STH: variants seen among roughly 807,000 people sequenced by gnomAD.
The protein encoded by STH is microtubule-associated protein tau (MAPT) intronic transcript.
For missense variants in STH, 131 were observed against 151.5 expected (o/e 0.86, Z 0.71); for synonymous variants, 36 against 59.1 (o/e 0.61, Z 1.79).
Position 45,999,489 on chromosome 17 carries a change from G to A in STH, c.210G>A (p.Val70=). ...LSSSEVGLEG[V]GTIWPSSYSS... is the part of the protein sequence containing the mutation. ...CATCTGAGGTTGGCTTGGAAGGTGT[G>A]GGCACCATTTGGCCCAGTTCTTACA... The change falls in exon 1 of 1, where the codon GTG becomes GTA. Residue 70 remains valine, a synonymous_variant. Transcript: ENST00000537309. 1 of 1,613,898 alleles carries A rather than the reference G, an allele frequency of 6.2e-7. No homozygotes were observed. Among genetic ancestry groups the A allele is most frequent in the South Asian group, 1.1e-5 (1 of 91,076 alleles).
In STH at chr17:45,999,661, G is replaced by C; in HGVS notation, c.382G>C (p.Val128Leu). The C allele has an allele frequency of 6.3e-7, 1 of 1,599,552 alleles. No homozygotes were observed. Among genetic ancestry groups the C allele is most frequent in the Non-Finnish European group, 8.5e-7 (1 of 1,172,942 alleles). ...RGESQATSCQ[V>L] is the part of the protein sequence containing the mutation. ...TGAGAGTCAGGCGACCTCATGCCAA[G>C]TGTAGAAAGGGGCAGATGGGAGCCC... The change falls in exon 1 of 1, where the codon GTG (valine) becomes CTG (leucine). Residue 128 changes from valine to leucine, a missense_variant. Coordinates refer to ENST00000537309, the MANE Select transcript of STH (RefSeq NM_001007532.3).
Position 45,999,540 on chromosome 17 carries a change from G to A in STH, c.261G>A (p.Gly87=). Residue 87 remains glycine, a synonymous_variant, in exon 1 of 1, where the codon GGG becomes GGA. Coordinates refer to ENST00000537309, the MANE Select transcript of STH (RefSeq NM_001007532.3). ...GCTCTGAAGAGAGCAGCAGGAATGG[G>A]GCTGAGCAGGGAAGACAACTTTCCA... ...SYSSEESSRN[G]AEQGRQLSIE... The A allele has an allele frequency of 1.2e-6, 2 of 1,613,582 alleles. No homozygotes were observed. Among genetic ancestry groups the A allele is most frequent in the Non-Finnish European group, 1.7e-6 (2 of 1,179,702 alleles).
At position 45,999,253 on chromosome 17, in the gene STH, T is replaced by C. The variant is rs1376594151; in HGVS notation, c.-27T>C. 6.2e-7 allele frequency: 1 copy of C among 1,605,734 alleles called. No individual in the cohort carries two copies. Among genetic ancestry groups the C allele is most frequent in the East Asian group, 2.2e-5 (1 of 44,800 alleles). ...CTGTAAACTCTGACCACACTGAGCA[T>C]GTGTCTGCTGCTCCCTAGTCTGGGC... On this transcript the variant is annotated 5_prime_UTR_variant, in exon 1 of 1. It removes an upstream start codon present in the reference 5' UTR. Coordinates refer to ENST00000537309, the MANE Select transcript of STH (RefSeq NM_001007532.3).
At position 45,999,679 on chromosome 17, in the gene STH, G is replaced by A. The variant is rs755031412; in HGVS notation, c.*13G>A. 42 of 1,564,998 alleles carry A rather than the reference G, an allele frequency of 2.7e-5. 1 individual carries two copies. The highest frequency in any genetic ancestry group is 1.7e-4 in the Middle Eastern group (1 of 5,838). ...ATGCCAAGTGTAGAAAGGGGCAGAT[G>A]GGAGCCCCAGGTTATGACGTCACCA... On this transcript the variant is annotated 3_prime_UTR_variant, in exon 1 of 1. Transcript: ENST00000537309.
rs1168338161 is a variant in STH at position 45,999,487 on chromosome 17, G to A, written c.208G>A (p.Val70Met). 4.3e-6 allele frequency: 7 copies of A among 1,613,942 alleles called. No homozygotes were observed. Among genetic ancestry groups the A allele is most frequent in the Middle Eastern group, 3.3e-4 (2 of 6,084 alleles). ...TTCATCTGAGGTTGGCTTGGAAGGT[G>A]TGGGCACCATTTGGCCCAGTTCTTA... ...LSSSEVGLEG[V>M]GTIWPSSYSS... Residue 70 changes from valine (V) to methionine (M), a missense_variant, in exon 1 of 1, where the codon GTG becomes ATG. Val to Met is a conservative substitution (Grantham distance 21). Coordinates refer to ENST00000537309, the MANE Select transcript of STH (RefSeq NM_001007532.3).
At position 45,999,301 on chromosome 17, in the gene STH, G is replaced by A; in HGVS notation, c.22G>A (p.Val8Ile). The change falls in exon 1 of 1, where the codon GTC (valine) becomes ATC (isoleucine). Residue 8 changes from valine to isoleucine, a missense_variant. By Grantham distance (29) the Val-to-Ile change is conservative. Transcript: ENST00000537309. ...GGCCATGAGTGAGGGTGGAGGCCAAGTCTCATGCATTTTTGCAGCCCCCAC... is the reference window on the plus strand; with the variant it reads ...GGCCATGAGTGAGGGTGGAGGCCAAATCTCATGCATTTTTGCAGCCCCCAC... MSEGGGQ[V>I]SCIFAAPTRL... The A allele has an allele frequency of 6.2e-7, 1 of 1,613,622 alleles. No homozygotes were observed. Among genetic ancestry groups the A allele is most frequent in the Non-Finnish European group, 8.5e-7 (1 of 1,179,824 alleles).
chr17:45,999,597 C>T lies in STH; in HGVS notation c.318C>T (p.Pro106=), dbSNP rs768446968. 17 of 1,612,154 alleles carry T rather than the reference C, an allele frequency of 1.1e-5. No individual in the cohort carries two copies. The highest frequency in any genetic ancestry group is 2.2e-5 in the East Asian group (1 of 44,808). The part of the protein sequence containing the change: ...IEGPFQGQNC[P]SHPAAALPLP... Reference sequence around the variant, plus strand: ...GCCCCTTTCAGGGCCAGAACTGTCCCTCCCACCCTGCAGCTGCCCTGCCTC... The same window carrying T: ...GCCCCTTTCAGGGCCAGAACTGTCCTTCCCACCCTGCAGCTGCCCTGCCTC... The change falls in exon 1 of 1, where the codon CCC becomes CCT. Residue 106 remains proline, a synonymous_variant. Coordinates refer to ENST00000537309, the MANE Select transcript of STH (RefSeq NM_001007532.3).
At chr17:45,999,360 C>A in the STH span, 1 of 1,613,814 alleles carries the variant, frequency 6.2e-7, no homozygotes. Flanking sequence ...TCATTGAATG[C>A]GGGGTTAATT....
In STH at chr17:45,999,686, C is replaced by T; in HGVS notation, c.*20C>T. The stretch of plus-strand genomic sequence containing the variant: ...GTGTAGAAAGGGGCAGATGGGAGCC[C>T]CAGGTTATGACGTCACCATGCTGGG... On this transcript the variant is annotated 3_prime_UTR_variant, in exon 1 of 1. Transcript: ENST00000537309. 2 of 1,560,592 alleles carry T rather than the reference C, an allele frequency of 1.3e-6. No homozygotes were observed. Among genetic ancestry groups the T allele is most frequent in the East Asian group, 2.3e-5 (1 of 44,370 alleles).
In STH at chr17:45,999,659, A is replaced by G; in HGVS notation, c.380A>G (p.Gln127Arg). Reference sequence around the variant, plus strand: ...GGTGAGAGTCAGGCGACCTCATGCCAAGTGTAGAAAGGGGCAGATGGGAGC... The same window carrying G: ...GGTGAGAGTCAGGCGACCTCATGCCGAGTGTAGAAAGGGGCAGATGGGAGC... ...MRGESQATSCQV is the reference protein window; with the variant it reads ...MRGESQATSCRV Residue 127 changes from glutamine (Q) to arginine (R), a missense_variant, in exon 1 of 1, where the codon CAA becomes CGA. Physicochemically the swap from Gln to Arg is conservative, Grantham distance 43. Transcript: ENST00000537309. The G allele has an allele frequency of 6.2e-7, 1 of 1,600,732 alleles. No individual in the cohort carries two copies. Among genetic ancestry groups the G allele is most frequent in the South Asian group, 1.1e-5 (1 of 88,804 alleles).
In STH at chr17:45,999,447, C is replaced by G. The variant is rs758951585; in HGVS notation, c.168C>G (p.Ser56=). ...TCAGCTTAGCATGGGAAGTAGCTTC[C>G]CTGTTGACCCTGAGTTCATCTGAGG... ...RTLSLAWEVA[S]LLTLSSSEVG... is the part of the protein sequence containing the mutation. The change falls in exon 1 of 1, where the codon TCC becomes TCG. Residue 56 remains serine (S), a synonymous_variant. Transcript: ENST00000537309. 16 of 1,613,932 alleles carry G rather than the reference C, an allele frequency of 9.9e-6. No individual in the cohort carries two copies. The Admixed American group carries it at 1.3e-4, about 13-fold the overall frequency.
rs368385027 is a variant in STH, at chr17:45,999,353, T to C, written c.74T>C (p.Ile25Thr). 2.0e-5 allele frequency: 33 copies of C among 1,613,892 alleles called. No homozygotes were observed. In the African/African-American group the frequency reaches 2.9e-4, roughly 14 times the overall value. ...PTRLCRWPALIECGVNLTQPL... is the reference protein window; with the variant it reads ...PTRLCRWPALTECGVNLTQPL... ...AGACTGTGCAGGTGGCCGGCCCTCATTGAATGCGGGGTTAATTTAACTCAG... is the reference window on the plus strand; with the variant it reads ...AGACTGTGCAGGTGGCCGGCCCTCACTGAATGCGGGGTTAATTTAACTCAG... Residue 25 changes from isoleucine to threonine, a missense_variant, in exon 1 of 1, where the codon ATT becomes ACT. Physicochemically the swap from Ile to Thr is moderately conservative, Grantham distance 89. Coordinates refer to ENST00000537309, the MANE Select transcript of STH (RefSeq NM_001007532.3).
chr17:45,999,562 T>A lies in STH; in HGVS notation c.283T>A (p.Ser95Thr). ...TGGGGCTGAGCAGGGAAGACAACTTTCCATTGAAGGCCCCTTTCAGGGCCA... is the reference window on the plus strand; with the variant it reads ...TGGGGCTGAGCAGGGAAGACAACTTACCATTGAAGGCCCCTTTCAGGGCCA... ...RNGAEQGRQLSIEGPFQGQNC... is the reference protein window; with the variant it reads ...RNGAEQGRQLTIEGPFQGQNC... Residue 95 changes from serine to threonine, a missense_variant, in exon 1 of 1, where the codon TCC (serine) becomes ACC (threonine). Coordinates refer to ENST00000537309, the MANE Select transcript of STH (RefSeq NM_001007532.3). The A allele has an allele frequency of 5.0e-6, 8 of 1,612,968 alleles. No individual in the cohort carries two copies. The highest frequency in any genetic ancestry group is 6.8e-6 in the Non-Finnish European group (8 of 1,179,476).
At position 45,999,535 on chromosome 17, in the gene STH, A is replaced by G. The variant is rs760330765; in HGVS notation, c.256A>G (p.Asn86Asp). The G allele has an allele frequency of 6.2e-7, 1 of 1,613,762 alleles. No individual in the cohort carries two copies. The highest frequency in any genetic ancestry group is 1.3e-5 in the African/African-American group (1 of 75,062). Reference sequence around the variant, plus strand: ...TTACAGCTCTGAAGAGAGCAGCAGGAATGGGGCTGAGCAGGGAAGACAACT... The same window carrying G: ...TTACAGCTCTGAAGAGAGCAGCAGGGATGGGGCTGAGCAGGGAAGACAACT... ...SSYSSEESSR[N>D]GAEQGRQLSI... Residue 86 changes from asparagine to aspartate, a missense_variant, in exon 1 of 1, where the codon AAT becomes GAT. Physicochemically the swap from Asn to Asp is conservative, Grantham distance 23. Coordinates refer to ENST00000537309, the MANE Select transcript of STH (RefSeq NM_001007532.3).
In STH at chr17:45,999,637, G is replaced by A; in HGVS notation, c.358G>A (p.Glu120Lys). 14 of 1,609,760 alleles carry A rather than the reference G, an allele frequency of 8.7e-6. No homozygotes were observed. The highest frequency in any genetic ancestry group is 1.2e-5 in the Non-Finnish European group (14 of 1,177,768). Residue 120 changes from glutamate (E) to lysine (K), a missense_variant, in exon 1 of 1, where the codon GAG becomes AAG. By Grantham distance (56) the Glu-to-Lys change is moderately conservative. Transcript: ENST00000537309. ...TGCCCTGCCTCTGCCCATGAGGGGT[G>A]AGAGTCAGGCGACCTCATGCCAAGT... ...AAALPLPMRG[E>K]SQATSCQV
At chr17:45,999,393 G>A in the STH span, 5 of 1,614,054 alleles carry the variant, frequency 3.1e-6, no homozygotes, top group Middle Eastern at 4.9e-4. Context: ...TGTGTGAGTG[G>A]ATGATTCAGG....
Position 45,999,387 on chromosome 17 carries a change from T to C in STH, c.108T>C (p.Cys36=). 1 of 1,613,904 alleles carries C rather than the reference T, an allele frequency of 6.2e-7. No homozygotes were observed. The highest frequency in any genetic ancestry group is 8.5e-7 in the Non-Finnish European group (1 of 1,179,864). The part of the protein sequence containing the change: ...ECGVNLTQPL[C]EWMIQVARDR... ...GGGTTAATTTAACTCAGCCTCTGTG[T>C]GAGTGGATGATTCAGGTTGCCAGAG... The change falls in exon 1 of 1, where the codon TGT becomes TGC. Residue 36 remains cysteine (C), a synonymous_variant. Coordinates refer to ENST00000537309, the MANE Select transcript of STH (RefSeq NM_001007532.3).
chr17:45,999,683 G>A lies in STH; in HGVS notation c.*17G>A, dbSNP rs748009013. 2 of 1,563,322 alleles carry A rather than the reference G, an allele frequency of 1.3e-6. No homozygotes were observed. The highest frequency in any genetic ancestry group is 3.7e-5 in the Admixed American group (2 of 53,980). On this transcript the variant is annotated 3_prime_UTR_variant, in exon 1 of 1. Transcript: ENST00000537309. ...CAAGTGTAGAAAGGGGCAGATGGGA[G>A]CCCCAGGTTATGACGTCACCATGCT... is the stretch of plus-strand genomic sequence containing the variant.
At position 45,999,323 on chromosome 17, in the gene STH, C is replaced by T. The variant is rs1337799764; in HGVS notation, c.44C>T (p.Pro15Leu). The T allele has an allele frequency of 1.2e-6, 2 of 1,613,888 alleles. No individual in the cohort carries two copies. Among genetic ancestry groups the T allele is most frequent in the African/African-American group, 1.3e-5 (1 of 75,036 alleles). Residue 15 changes from proline (P) to leucine (L), a missense_variant, in exon 1 of 1, where the codon CCC becomes CTC. By Grantham distance (98) the Pro-to-Leu change is moderately conservative. Transcript: ENST00000537309. ...CAAGTCTCATGCATTTTTGCAGCCC[C>T]CACAAGACTGTGCAGGTGGCCGGCC... ...GGQVSCIFAA[P>L]TRLCRWPALI...
Sources: gnomAD v4.1 joint callset for allele counts on GRCh38, gnomAD v4.1.1 for gene constraint, MANE v1.5 for transcripts, NCBI Gene and HGNC (gene_info 2026-07-23, HGNC 2026-07-21) for gene names.